The following ARID3C variants were observed in gnomAD, a reference collection of about 807,000 sequenced individuals.
ARID3C encodes the protein AT-rich interactive domain-containing protein 3C.
In ARID3C, 42 loss-of-function variants were observed where a neutral mutation model predicts 37.9. That is an observed-to-expected ratio of 1.11 (90% CI 0.87 to 1.43). The LOEUF (loss-of-function observed/expected upper bound fraction) is 1.43, where lower values mean the gene tolerates loss of function less well. Ranked by LOEUF, ARID3C falls within the 40% of genes most tolerant of loss-of-function variation. The pLI, the probability that ARID3C is intolerant of heterozygous loss-of-function variation, is 0.00. For missense variants in ARID3C, 581 were observed against 548.8 expected (o/e 1.06, Z -0.59); for synonymous variants, 213 against 228.0 (o/e 0.93, Z 0.59).
rs1820587618 is a variant in ARID3C at position 34,622,428 on chromosome 9, C to G, written c.967G>C (p.Ala323Pro). The stretch of plus-strand genomic sequence containing the variant: ...GGGTCCATAGGCCCCATCAGCACAG[C>G]TCTCTTCTCTGGGGGCTCCTCTGGT... The change falls in exon 5 of 7, where the codon GCT (alanine) becomes CCT (proline). Residue 323 changes from alanine (A) to proline (P), a missense_variant. Transcript: ENST00000378909. 10 of 1,614,164 alleles carry G rather than the reference C, an allele frequency of 6.2e-6. No individual in the cohort carries two copies. In the East Asian group the frequency reaches 2.2e-4, roughly 36 times the overall value.
At chr9:34,627,981 G>A in exon 1 of ARID3C, 1 of 1,520,410 alleles carries the variant, frequency 6.6e-7, no homozygotes, top group Non-Finnish European at 8.8e-7. Flanking sequence ...CCCTGGGCCA[G>A]CCGAGCTGCC....
downstream of ARID3C, among the ~76,000 whole-genome samples, chr9:34,621,202 G>T (rs1488213452): frequency 1.3e-5 from 2 of 152,230 alleles, no homozygotes; most frequent in Non-Finnish European, 2.9e-5. Context: ...GGGAACACAT[G>T]AGGAGATGAT....
At chr9:34,625,939 T>C in intron 1 of ARID3C, 125 bp from the exon 3 acceptor site, 1 of 1,076,074 alleles carries the variant, frequency 9.3e-7, no homozygotes, top group Non-Finnish European at 1.3e-6. Flanking sequence ...CAATGTGGAC[T>C]CCCTGGGATT....
At chr9:34,623,799 C>CCA in intron 3 of ARID3C, 65 bp downstream of exon 4, 1 of 1,503,296 alleles carries the variant, frequency 6.7e-7, no homozygotes, top group Non-Finnish European at 8.9e-7. Context: ...CCCGGGGACC[C>CCA]TCCCCCCTCC....
At position 34,623,779 on chromosome 9, in the gene ARID3C, C is replaced by A. The variant is rs527399007; in HGVS notation, c.576-65G>T. 1.1e-3 allele frequency: 1,615 copies of A among 1,499,978 alleles called. 5 individuals are homozygous for A. Among genetic ancestry groups the A allele is most frequent in the Non-Finnish European group, 1.4e-3 (1,553 of 1,125,606 alleles). 92.9% of individuals were successfully genotyped at this position (1,499,978 alleles called of 1,614,324 possible). ...CACCCAGCTGGTCAAGTCCCACAGC[C>A]GGACGCCCGCCCGGGGACCCTCCCC... On this transcript the variant is annotated intron_variant, in intron 3 of 6. Transcript: ENST00000378909.
upstream of ARID3C, among the ~76,000 whole-genome samples, chr9:34,631,832 A>T (rs1373369388): frequency 6.6e-6 from 1 of 152,240 alleles, no homozygotes; most frequent in Non-Finnish European, 1.5e-5. Flanking sequence ...AGTCATCTGA[A>T]GGCTTGACTG....
chr9:34,629,061 C>T (rs1032444011), upstream of ARID3C, among the ~76,000 whole-genome samples: 2 of 152,048 alleles, frequency 1.3e-5, no homozygotes, highest in Admixed American at 6.5e-5. Flanking sequence ...GCTCACTCGC[C>T]GCGCTGCTTG....
At position 34,621,579 on chromosome 9, in the gene ARID3C, T is replaced by C. The variant is rs781450566; in HGVS notation, c.1139-21A>G. The C allele has an allele frequency of 2.4e-5, 38 of 1,554,786 alleles. No individual in the cohort carries two copies. The East Asian group carries it at 2.6e-4, about 11-fold the overall frequency. On this transcript the variant is annotated intron_variant, in intron 6 of 6. Coordinates refer to ENST00000378909, the Ensembl canonical transcript of ARID3C. The stretch of plus-strand genomic sequence containing the variant: ...GACACCTGGCAAAGGGGTGAGGAGA[T>C]GGTAGAGGGCAAAAACAAGCAGGAG...
chr9:34,625,676 A>G (rs907240171), intron 2 of ARID3C, 66 bp downstream of exon 3: 8 of 1,588,802 alleles, frequency 5.0e-6, no homozygotes, highest in Non-Finnish European at 6.9e-6. Context: ...GGAGAACCCA[A>G]CCGGGTTTCC....
Position 34,623,693 on chromosome 9 carries a change from CG to C in ARID3C, c.596del (p.Pro199ArgfsTer19), listed in dbSNP as rs757057977. On this transcript the variant is annotated frameshift_variant, in exon 4 of 7. Transcript: ENST00000378909. LOFTEE classifies it high-confidence loss of function. ...TGAGCGCTCGAGTCTCGCACTCGTA[CG>C]GGTACAGGTACTTCATGTACCTAGG... The C allele has an allele frequency of 6.4e-7, 1 of 1,564,456 alleles. No homozygotes were observed. Among genetic ancestry groups the C allele is most frequent in the South Asian group, 1.2e-5 (1 of 85,938 alleles).
chr9:34,621,556 C>T, exon 7 of ARID3C: 1 of 1,574,240 alleles, frequency 6.4e-7, no homozygotes, highest in Non-Finnish European at 8.6e-7. Flanking sequence ...GCAAAGAGGA[C>T]ACCTGGCAAA....
upstream of ARID3C, among the ~76,000 whole-genome samples, chr9:34,628,888 C>T (rs1160548312): frequency 6.6e-6 from 1 of 152,060 alleles, no homozygotes; most frequent in Non-Finnish European, 1.5e-5. The surrounding 1 kb of genome is among the most constrained non-coding windows in gnomAD (Gnocchi z 5.2). Flanking sequence ...CCGGCTCCCT[C>T]GCTCCGGGCG....
At chr9:34,626,963 G>A (rs989274136) in intron 1 of ARID3C, among the ~76,000 whole-genome samples, 1 of 152,192 alleles carries the variant, frequency 6.6e-6, no homozygotes, top group Non-Finnish European at 1.5e-5. Flanking sequence ...GCCTTGAGTA[G>A]TGTCCTTAGA....
upstream of ARID3C, among the ~76,000 whole-genome samples, chr9:34,630,776 C>T (rs139623362): frequency 4.9e-3 from 747 of 152,306 alleles, 9 homozygotes; most frequent in Non-Finnish European, 6.6e-3. Flanking sequence ...TTCCTGGCCA[C>T]GCTGAGGCTC....
chr9:34,622,125 C>T lies in ARID3C; in HGVS notation c.1049-16G>A, dbSNP rs368744031. 2.6e-5 allele frequency: 42 copies of T among 1,613,252 alleles called. No homozygotes were observed. In the African/African-American group the frequency reaches 5.2e-4, roughly 20 times the overall value. On this transcript the variant is annotated splice_polypyrimidine_tract_variant and intron_variant, in intron 5 of 6. Transcript: ENST00000378909. ...AGCCGCTCTTCTGTCCAGGAGGGGG[C>T]AGAGGAATCACATTTTGGAGAATCA...
chr9:34,622,360 C>T, exon 5 of ARID3C: 1 of 1,609,296 alleles, frequency 6.2e-7, no homozygotes, highest in Non-Finnish European at 8.5e-7. Flanking sequence ...TCAGGGGAAC[C>T]TTGCCACGGG....
intron 1 of ARID3C, among the ~76,000 whole-genome samples, chr9:34,627,336 C>T (rs12553321): frequency 0.035 from 5,258 of 152,138 alleles, 133 homozygotes; most frequent in South Asian, 0.11. Context: ...GAATCCCCAG[C>T]CCCTAGACTG....
intron 2 of ARID3C, 33 bp from the exon 4 acceptor site, chr9:34,624,080 A>G: frequency 6.5e-7 from 1 of 1,545,070 alleles, no homozygotes; most frequent in African/African-American, 1.4e-5. Flanking sequence ...CAGGACACTG[A>G]GACGAAGACC....
At chr9:34,625,642 G>T in intron 2 of ARID3C, 100 bp downstream of exon 3, 1 of 1,302,562 alleles carries the variant, frequency 7.7e-7, no homozygotes. Flanking sequence ...AAGGACAGGT[G>T]CTGCCAAGCT....
Sources: allele counts gnomAD v4.1 joint callset (sites outside exome capture counted in the v4.1 genomes callset), GRCh38; gene constraint gnomAD v4.1.1; non-coding constraint Gnocchi (gnomAD v3.1); transcripts MANE v1.5; gene names NCBI Gene and HGNC (gene_info 2026-07-23, HGNC 2026-07-21).